MSI2: variants seen among roughly 807,000 people sequenced by gnomAD.
MSI2 encodes the protein RNA-binding protein Musashi homolog 2.
MSI2 carries 17 observed loss-of-function variants against 45.6 expected under a neutral mutation model. That is an observed-to-expected ratio of 0.37 (90% confidence interval 0.26 to 0.56). MSI2 has a LOEUF of 0.56. Ranked by LOEUF, MSI2 falls within the 20% of genes least tolerant of loss-of-function variation. MSI2 has a pLI of 0.77. For synonymous variants in MSI2, 156 were observed against 158.2 expected (o/e 0.99, Z 0.11); for missense variants, 293 against 444.2 (o/e 0.66, Z 3.06).
At chr17:57,428,082 T>A (rs2084527687) in intron 6 of MSI2, among the ~76,000 whole-genome samples, 1 of 152,236 alleles carries the variant, frequency 6.6e-6, no homozygotes, top group Non-Finnish European at 1.5e-5. Flanking sequence ...AAAGGAATGT[T>A]TGTATATCAG....
At chr17:57,377,992 G>A (rs566690437) in intron 5 of MSI2, among the ~76,000 whole-genome samples, 148 of 151,730 alleles carry the variant, frequency 9.8e-4, no homozygotes, top group African/African-American at 3.3e-3. Context: ...GGAGAACGGC[G>A]TGAACCTGGG....
chr17:57,270,488 T>C (rs112359674), intron 5 of MSI2, among the ~76,000 whole-genome samples: 6 of 152,360 alleles, frequency 3.9e-5, no homozygotes, highest in African/African-American at 1.2e-4. Context: ...GGCTGAGGAA[T>C]AGAATTTGTG....
intron 6 of MSI2, among the ~76,000 whole-genome samples, chr17:57,475,079 C>T (rs2085512477): frequency 6.6e-6 from 1 of 152,182 alleles, no homozygotes; most frequent in Non-Finnish European, 1.5e-5. Flanking sequence ...GTGCTTGATC[C>T]AGTGTTGCCA....
chr17:57,543,999 A>G (rs1476682992), intron 7 of MSI2, among the ~76,000 whole-genome samples: 1 of 152,340 alleles, frequency 6.6e-6, no homozygotes, highest in East Asian at 1.9e-4. Context: ...GTTAGAATAA[A>G]CAGCATCTTA....
chr17:57,373,165 G>A (rs1229191716), intron 5 of MSI2, among the ~76,000 whole-genome samples: 2 of 151,782 alleles, frequency 1.3e-5, no homozygotes, highest in Admixed American at 6.6e-5. Context: ...GCTGAGGCAC[G>A]CTTGAACCCA....
chr17:57,533,830 G>A (rs2144086581), intron 7 of MSI2, among the ~76,000 whole-genome samples: 1 of 152,328 alleles, frequency 6.6e-6, no homozygotes, highest in South Asian at 2.1e-4. Flanking sequence ...CTGTGAGGCT[G>A]ATGTGACCTG....
intron 5 of MSI2, among the ~76,000 whole-genome samples, chr17:57,291,262 A>G (rs1489145781): frequency 2.0e-5 from 3 of 152,178 alleles, no homozygotes; most frequent in African/African-American, 7.2e-5. Flanking sequence ...ATTCGCTTAT[A>G]TGTTTCTTTT....
At chr17:57,472,029 C>T (rs1401190792) in intron 6 of MSI2, among the ~76,000 whole-genome samples, 1 of 152,222 alleles carries the variant, frequency 6.6e-6, no homozygotes, top group Non-Finnish European at 1.5e-5. Context: ...GATGCAGCTT[C>T]TCTCTTGCTG....
chr17:57,322,202 A>G (rs1290194267), intron 5 of MSI2, among the ~76,000 whole-genome samples: 1 of 152,188 alleles, frequency 6.6e-6, no homozygotes, highest in Middle Eastern at 3.2e-3. Flanking sequence ...TGGTAGCTGA[A>G]TCAGGGAATG....
intron 8 of MSI2, among the ~76,000 whole-genome samples, chr17:57,604,967 AG>A (rs1269589461): frequency 8.2e-6 from 1 of 122,480 alleles, no homozygotes; most frequent in African/African-American, 3.0e-5. Context: ...GTGTGTGGGG[AG>A]GGGGGCGGGT....
intron 5 of MSI2, among the ~76,000 whole-genome samples, chr17:57,334,574 G>A (rs1914538027): frequency 1.3e-5 from 2 of 152,074 alleles, no homozygotes; most frequent in African/African-American, 2.4e-5. Context: ...TGGGAGGATC[G>A]CCTCAGGTCA....
intron 7 of MSI2, among the ~76,000 whole-genome samples, chr17:57,571,457 G>A (rs567868829): frequency 6.6e-6 from 1 of 152,154 alleles, no homozygotes; most frequent in East Asian, 1.9e-4. Context: ...CCCAGGAGAT[G>A]GGTTTCTGGT....
At chr17:57,542,982 C>T (rs1430067883) in intron 7 of MSI2, among the ~76,000 whole-genome samples, 1 of 152,180 alleles carries the variant, frequency 6.6e-6, no homozygotes, top group East Asian at 1.9e-4. Flanking sequence ...CCTCCATGTC[C>T]CCTTTGCCCA....
downstream of MSI2, among the ~76,000 whole-genome samples, chr17:57,685,070 G>A (rs535599352): frequency 1.3e-5 from 2 of 152,310 alleles, no homozygotes; most frequent in Non-Finnish European, 2.9e-5. Context: ...AGTGCTGGGA[G>A]AAGGCGCCAA....
chr17:57,597,302 C>T (rs1905334383), intron 8 of MSI2, among the ~76,000 whole-genome samples: 1 of 151,902 alleles, frequency 6.6e-6, no homozygotes. Context: ...GTAATTTTCA[C>T]AGATCACAAA....
At chr17:57,337,668 C>T (rs1914787653) in intron 5 of MSI2, among the ~76,000 whole-genome samples, 1 of 152,140 alleles carries the variant, frequency 6.6e-6, no homozygotes, top group East Asian at 1.9e-4. Context: ...GCTGGGGGCT[C>T]CTTCTTCACA....
chr17:57,396,413 C>CCACACACACA (rs55688182), intron 5 of MSI2, among the ~76,000 whole-genome samples: 80 of 150,184 alleles, frequency 5.3e-4, no homozygotes, highest in East Asian at 1.6e-3. Context: ...AGCACACACA[C>CCACACACACA]CACACACACA....
intron 6 of MSI2, among the ~76,000 whole-genome samples, chr17:57,466,820 G>A (rs2085339350): frequency 6.6e-6 from 1 of 151,836 alleles, no homozygotes; most frequent in Non-Finnish European, 1.5e-5. Flanking sequence ...GCAACATTTA[G>A]GTCCAACTTT....
chr17:57,682,018 G>C lies in MSI2; in HGVS notation c.*2501G>C, dbSNP rs891526508. ...TATAAAATGGCTATCTTGTAAGCGT[G>C]CTGTCCTGGTACTAGTGTAGCGACT... On this transcript the variant is annotated 3_prime_UTR_variant, in exon 14 of 14. Transcript: ENST00000284073. 10 of 209,378 alleles carry C rather than the reference G, an allele frequency of 4.8e-5. No homozygotes were observed. The highest frequency in any genetic ancestry group is 8.7e-5 in the Non-Finnish European group (9 of 103,166). The allele number at this position is 209,378 out of a possible 1,614,324, so 13.0% of individuals were successfully genotyped here.
Sources: gnomAD v4.1 joint callset for allele counts (sites outside exome capture counted in the v4.1 genomes callset) on GRCh38, gnomAD v4.1.1 for gene constraint, MANE v1.5 for transcripts, NCBI Gene and HGNC (gene_info 2026-07-23, HGNC 2026-07-21) for gene names.